The following DONSON variants were observed in gnomAD, a reference collection of about 807,000 sequenced individuals.
DONSON encodes the protein protein downstream neighbor of Son.
In DONSON, 43 loss-of-function variants were observed where a neutral mutation model predicts 62.1. That is an observed-to-expected ratio of 0.69 (90% CI 0.54 to 0.89). DONSON has a LOEUF of 0.89. Ranked by LOEUF, DONSON falls within the 40% of genes least tolerant of loss-of-function variation. The probability of loss-of-function intolerance (pLI) is 0.00; values close to 1 mark genes in which losing one functional copy is unlikely to be tolerated. For synonymous variants in DONSON, 266 were observed against 264.6 expected, an observed-to-expected ratio of 1.01 and a Z score of -0.05; for missense variants, 696 against 697.5, an observed-to-expected ratio of 1.00 and a Z score of 0.03.
At chr21:33,583,824 A>G (rs2086545273) in intron 4 of DONSON, among the ~76,000 whole-genome samples, 158 bp from the exon 5 acceptor site, 1 of 151,990 alleles carries the variant, frequency 6.6e-6, no homozygotes, top group South Asian at 2.1e-4. Flanking sequence ...GCTTTAAAGG[A>G]CTGAAATTGG....
rs2086557446 is a variant in DONSON at position 33,584,628 on chromosome 21, T to C, written c.747A>G (p.Ser249=). 3.1e-6 allele frequency: 5 copies of C among 1,613,080 alleles called. No individual in the cohort carries two copies. Among genetic ancestry groups the C allele is most frequent in the Non-Finnish European group, 4.2e-6 (5 of 1,179,396 alleles). ...AAACATGCTGCAGGGTTGCATCATT[T>C]GACCAAGGACTTGTCTTTCCAGCCA... The part of the protein sequence containing the change: ...RKMAGKTSPW[S]NDATLQHVLM... Residue 249 remains serine (S), a synonymous_variant, in exon 4 of 10, where the codon TCA becomes TCG. Coordinates refer to ENST00000303071, the MANE Select transcript of DONSON (RefSeq NM_017613.4).
Position 33,581,302 on chromosome 21 carries a change from C to G in DONSON, c.1350G>C (p.Lys450Asn). Residue 450 changes from lysine (K) to asparagine (N), a missense_variant and splice_region_variant, in exon 8 of 10, where the codon AAG (lysine) becomes AAC (asparagine). By Grantham distance (94) the Lys-to-Asn change is moderately conservative. Coordinates refer to ENST00000303071, the MANE Select transcript of DONSON (RefSeq NM_017613.4). ...AFRGATMQMLKARSVNVKTQA... is the reference protein window; with the variant it reads ...AFRGATMQMLNARSVNVKTQA... Reference sequence around the variant, plus strand: ...GCTAGGTTATGCAGACTTTTATTACCTTAAGCATTTGCATTGTGGCACCTC... The same window carrying G: ...GCTAGGTTATGCAGACTTTTATTACGTTAAGCATTTGCATTGTGGCACCTC... 1 of 1,613,644 alleles carries G rather than the reference C, an allele frequency of 6.2e-7. No homozygotes were observed. Among genetic ancestry groups the G allele is most frequent in the Non-Finnish European group, 8.5e-7 (1 of 1,179,808 alleles).
At chr21:33,579,986 G>C (rs1249959827) in intron 8 of DONSON, among the ~76,000 whole-genome samples, 1 of 151,802 alleles carries the variant, frequency 6.6e-6, no homozygotes, top group Non-Finnish European at 1.5e-5. Context: ...CTTGAGGTCA[G>C]GAGTTCAAGA....
At chr21:33,586,599 G>A (rs1171937935) in intron 2 of DONSON, among the ~76,000 whole-genome samples, 1 of 152,012 alleles carries the variant, frequency 6.6e-6, no homozygotes. Context: ...CCCTCAACCT[G>A]TCTGCTTCAG....
intron 7 of DONSON, 124 bp downstream of exon 7, chr21:33,581,827 A>G: frequency 1.2e-6 from 1 of 854,980 alleles, no homozygotes; most frequent in Non-Finnish European, 1.8e-6. Context: ...TACAATGGAG[A>G]ATTAGTTTTA....
At chr21:33,587,639 A>G (rs749430060) in intron 1 of DONSON, 37 bp from the exon 2 acceptor site, 17 of 1,462,506 alleles carry the variant, frequency 1.2e-5, no homozygotes, top group Non-Finnish European at 1.5e-5. Flanking sequence ...AATTTAAAGG[A>G]TGCTGAAGTT....
rs1475938224 is a variant in DONSON at position 33,579,562 on chromosome 21, C to T, written c.1351G>A (p.Ala451Thr). ...TGTGTCTTCACATTCACACTCCGTGCCTTCATGAAAATGTAAAGAAAAGGA... is the reference window on the plus strand; with the variant it reads ...TGTGTCTTCACATTCACACTCCGTGTCTTCATGAAAATGTAAAGAAAAGGA... ...FRGATMQMLKARSVNVKTQAL... is the reference protein window; with the variant it reads ...FRGATMQMLKTRSVNVKTQAL... Residue 451 changes from alanine (A) to threonine (T), a missense_variant and splice_region_variant, in exon 9 of 10, where the codon GCA becomes ACA. Transcript: ENST00000303071. 1.2e-6 allele frequency: 2 copies of T among 1,608,680 alleles called. No homozygotes were observed. Among genetic ancestry groups the T allele is most frequent in the African/African-American group, 2.7e-5 (2 of 74,650 alleles).
chr21:33,581,210 T>G, intron 8 of DONSON, 92 bp downstream of exon 8: 1 of 1,244,992 alleles, frequency 8.0e-7, no homozygotes, highest in Non-Finnish European at 1.1e-6. Flanking sequence ...ATGTACCAAG[T>G]AAAAATGCTA....
rs1239176662 is a variant in DONSON, at chr21:33,588,608, A to G, written c.34T>C (p.Phe12Leu). 8.0e-6 allele frequency: 10 copies of G among 1,247,910 alleles called. No homozygotes were observed. The East Asian group carries it at 3.2e-4, about 40-fold the overall frequency. The allele number at this position is 1,247,910 out of a possible 1,614,324, so 77.3% of individuals were successfully genotyped here. A position where few individuals can be genotyped will look rare whatever the true frequency, so the allele number is the denominator to read the frequency against. Reference sequence around the variant, plus strand: ...CGCACTACCTCGGGCGGCTTTCGGAAGCCCGGTGAGTAGCCGGGCACCGAA... The same window carrying G: ...CGCACTACCTCGGGCGGCTTTCGGAGGCCCGGTGAGTAGCCGGGCACCGAA... ...ALSVPGYSPG[F>L]RKPPEVVRLR... The change falls in exon 1 of 10, where the codon TTC becomes CTC. Residue 12 changes from phenylalanine (F) to leucine (L), a missense_variant. Phe to Leu is a conservative substitution (Grantham distance 22). Coordinates refer to ENST00000303071, the MANE Select transcript of DONSON (RefSeq NM_017613.4).
chr21:33,578,200 G>GTT lies in DONSON; in HGVS notation c.*105_*106dup. On this transcript the variant is annotated 3_prime_UTR_variant, in exon 10 of 10. Transcript: ENST00000303071. ...AACCTTAGATGCTACTGTAGTAAAA[G>GTT]TTATGTTTATAAACATTTCAGTATA... is the stretch of plus-strand genomic sequence containing the variant. 8.0e-7 allele frequency: 1 copy of GTT among 1,247,456 alleles called. No individual in the cohort carries two copies. The highest frequency in any genetic ancestry group is 1.1e-6 in the Non-Finnish European group (1 of 904,970). 77.3% of individuals were successfully genotyped at this position (1,247,456 alleles called of 1,614,324 possible). A position where few individuals can be genotyped will look rare whatever the true frequency, so the allele number is the denominator to read the frequency against.
chr21:33,578,218 TCA>T lies in DONSON; in HGVS notation c.*87_*88del. 3 of 1,390,690 alleles carry T rather than the reference TCA, an allele frequency of 2.2e-6. No individual in the cohort carries two copies. Among genetic ancestry groups the T allele is most frequent in the Middle Eastern group, 2.5e-4 (1 of 3,964 alleles). The allele number at this position is 1,390,690 out of a possible 1,614,324, so 86.1% of individuals were successfully genotyped here. ...AGTAAAAGTTATGTTTATAAACATT[TCA>T]GTATATTCCTTCAACTTCAAGAATC... On this transcript the variant is annotated 3_prime_UTR_variant, in exon 10 of 10. Coordinates refer to ENST00000303071, the MANE Select transcript of DONSON (RefSeq NM_017613.4).
At chr21:33,582,317 T>G in intron 5 of DONSON, 71 bp from the exon 6 acceptor site, 1 of 1,277,424 alleles carries the variant, frequency 7.8e-7, no homozygotes, top group Non-Finnish European at 1.1e-6. Flanking sequence ...ACTTTTAGAG[T>G]GTAAAAAATT....
rs759680740 is a variant in DONSON at position 33,578,261 on chromosome 21, A to G, written c.*46T>C. ...TTCAAGAATCTTGAATTTCCTTGCT[A>G]GAAGGCTTTTTTCCTCAAAGATTCC... On this transcript the variant is annotated 3_prime_UTR_variant, in exon 10 of 10. Coordinates refer to ENST00000303071, the MANE Select transcript of DONSON (RefSeq NM_017613.4). 1.3e-6 allele frequency: 2 copies of G among 1,583,272 alleles called. No homozygotes were observed. The highest frequency in any genetic ancestry group is 1.7e-6 in the Non-Finnish European group (2 of 1,163,470).
chr21:33,588,094 C>A (rs989831258), intron 1 of DONSON, among the ~76,000 whole-genome samples: 13 of 152,328 alleles, frequency 8.5e-5, no homozygotes, highest in Admixed American at 2.6e-4. Flanking sequence ...GGGAACGCGT[C>A]CCGTGAGCAC....
chr21:33,582,560 A>T (rs1470992599), intron 5 of DONSON, among the ~76,000 whole-genome samples: 1 of 152,158 alleles, frequency 6.6e-6, no homozygotes, highest in African/African-American at 2.4e-5. Flanking sequence ...CTCAGTTTGA[A>T]AATTTTGTTA....
intron 3 of DONSON, 129 bp from the exon 4 acceptor site, chr21:33,584,897 T>C: frequency 1.3e-6 from 1 of 751,814 alleles, no homozygotes; most frequent in South Asian, 4.6e-5. Context: ...CATTAATAAT[T>C]GTTATAGGAA....
chr21:33,582,102 G>C lies in DONSON; in HGVS notation c.1047-47C>G, dbSNP rs185033915. 187 of 1,611,370 alleles carry C rather than the reference G, an allele frequency of 1.2e-4. No individual in the cohort carries two copies. In the African/African-American group the frequency reaches 2.2e-3, roughly 19 times the overall value. On this transcript the variant is annotated intron_variant, in intron 6 of 9. Coordinates refer to ENST00000303071, the MANE Select transcript of DONSON (RefSeq NM_017613.4). ...AGTCCCTATTTCACAAGCTGTTCCT[G>C]TGCAAATCTATTTCATGAGTCCATA... is the stretch of plus-strand genomic sequence containing the variant.
rs1269539987 is a variant in DONSON at position 33,577,670 on chromosome 21, CACACACACACACACACACA to C, written c.*618_*636del. ...ACACACACACACACACACACACACA[CACACACACACACACACACA>C]CACACACACACACCCCTATAAGCAC... On this transcript the variant is annotated 3_prime_UTR_variant, in exon 10 of 10. Coordinates refer to ENST00000303071, the MANE Select transcript of DONSON (RefSeq NM_017613.4). The C allele has an allele frequency of 1.2e-3, 121 of 101,784 alleles. 3 individuals carry two copies. The highest frequency in any genetic ancestry group is 3.7e-3 in the African/African-American group (88 of 23,884). The allele number at this position is 101,784 out of a possible 1,614,324, so 6.3% of individuals were successfully genotyped here.
chr21:33,578,229 C>T lies in DONSON; in HGVS notation c.*78G>A. 2.7e-6 allele frequency: 4 copies of T among 1,482,326 alleles called. No individual in the cohort carries two copies. The highest frequency in any genetic ancestry group is 2.8e-5 in the African/African-American group (2 of 71,344). 91.8% of individuals were successfully genotyped at this position (1,482,326 alleles called of 1,614,324 possible). On this transcript the variant is annotated 3_prime_UTR_variant, in exon 10 of 10. Coordinates refer to ENST00000303071, the MANE Select transcript of DONSON (RefSeq NM_017613.4). ...TGTTTATAAACATTTCAGTATATTC[C>T]TTCAACTTCAAGAATCTTGAATTTC...
Sources: allele counts gnomAD v4.1 joint callset (sites outside exome capture counted in the v4.1 genomes callset), GRCh38; gene constraint gnomAD v4.1.1; transcripts MANE v1.5; gene names NCBI Gene and HGNC (gene_info 2026-07-23, HGNC 2026-07-21).